GPC5: variants seen among roughly 807,000 people sequenced by gnomAD.
The protein encoded by GPC5 is glypican 5, also known as glypican-5.
In GPC5, 47 loss-of-function variants were observed where a neutral mutation model predicts 53.9. The ratio of observed to expected loss-of-function variants is 0.87; its 90% CI spans 0.69 to 1.11. The LOEUF is 1.11. Among genes scored for constraint, GPC5 ranks in the 50% most tolerant of loss-of-function variants. The pLI is 0.00. For synonymous variants in GPC5, 286 were observed against 263.3 expected, an observed-to-expected ratio of 1.09 and a Z score of -0.84; for missense variants, 748 against 713.1, an observed-to-expected ratio of 1.05 and a Z score of -0.56.
At chr13:92,413,988 A>G (rs913927603) in intron 7 of GPC5, among the ~76,000 whole-genome samples, 24 of 152,210 alleles carry the variant, frequency 1.6e-4, no homozygotes, top group African/African-American at 5.5e-4. Context: ...TTTCTATTTC[A>G]TTCTATAACT....
intron 6 of GPC5, among the ~76,000 whole-genome samples, chr13:92,070,413 C>G (rs1028533669): frequency 3.3e-5 from 5 of 152,174 alleles, no homozygotes; most frequent in African/African-American, 1.2e-4. Flanking sequence ...AAAACTCTCC[C>G]CATTGTTATT....
intron 7 of GPC5, among the ~76,000 whole-genome samples, chr13:92,736,913 G>A (rs2139305488): frequency 6.6e-6 from 1 of 151,832 alleles, no homozygotes; most frequent in East Asian, 2.0e-4. Context: ...TTCACAAAAT[G>A]CAGTCTATGT....
At chr13:92,379,830 T>TG (rs1566564350) in intron 7 of GPC5, among the ~76,000 whole-genome samples, 1 of 152,216 alleles carries the variant, frequency 6.6e-6, no homozygotes, top group Non-Finnish European at 1.5e-5. Flanking sequence ...GGATCCTCTC[T>TG]GGCTTGATAT....
At chr13:91,559,133 AAC>A (rs1226045765) in intron 2 of GPC5, among the ~76,000 whole-genome samples, 1 of 152,070 alleles carries the variant, frequency 6.6e-6, no homozygotes, top group East Asian at 1.9e-4. Flanking sequence ...CTAGGATTTG[AAC>A]ACAGTGTTGA....
chr13:92,666,384 C>A (rs1465093512), intron 7 of GPC5, among the ~76,000 whole-genome samples: 1 of 152,016 alleles, frequency 6.6e-6, no homozygotes, highest in Non-Finnish European at 1.5e-5. Context: ...AAAATGGAAA[C>A]AGGAAATCAG....
intron 7 of GPC5, among the ~76,000 whole-genome samples, chr13:92,313,892 A>T (rs1265105480): frequency 3.3e-5 from 5 of 152,180 alleles, no homozygotes; most frequent in Non-Finnish European, 7.3e-5. Flanking sequence ...AGAGTGAAGA[A>T]AATTGGAGAT....
chr13:92,124,893 C>T (rs2041682112), intron 6 of GPC5, among the ~76,000 whole-genome samples: 1 of 152,156 alleles, frequency 6.6e-6, no homozygotes, highest in Admixed American at 6.5e-5. Flanking sequence ...GATTCCACCT[C>T]CCGGTATCTT....
intron 7 of GPC5, among the ~76,000 whole-genome samples, chr13:92,267,491 T>A (rs1250707540): frequency 6.6e-6 from 1 of 152,170 alleles, no homozygotes; most frequent in Admixed American, 6.5e-5. Context: ...TTTTTCATTC[T>A]GTTTCATTGG....
At chr13:91,730,522 G>A (rs542661035) in intron 4 of GPC5, among the ~76,000 whole-genome samples, 10 of 152,104 alleles carry the variant, frequency 6.6e-5, no homozygotes, top group African/African-American at 9.7e-5. Flanking sequence ...CAGGTTGCAC[G>A]GTCACTTGCT....
intron 6 of GPC5, among the ~76,000 whole-genome samples, chr13:92,097,201 T>C (rs778310501): frequency 2.0e-5 from 3 of 152,168 alleles, no homozygotes; most frequent in Non-Finnish European, 4.4e-5. Context: ...TCCACTGTTA[T>C]GCGGAAAGGA....
intron 7 of GPC5, among the ~76,000 whole-genome samples, chr13:92,277,144 A>G (rs184246876): frequency 3.3e-5 from 5 of 152,150 alleles, no homozygotes; most frequent in Non-Finnish European, 7.4e-5. Context: ...ATTAAGTAAT[A>G]TAACATTGAA....
At chr13:92,145,531 C>T (rs1473452217) in intron 7 of GPC5, among the ~76,000 whole-genome samples, 1 of 150,250 alleles carries the variant, frequency 6.7e-6, no homozygotes, top group South Asian at 2.1e-4. Flanking sequence ...GGATTTGAAA[C>T]CATTTCAGAA....
intron 7 of GPC5, among the ~76,000 whole-genome samples, chr13:92,353,155 G>A (rs1278648066): frequency 6.6e-6 from 1 of 151,068 alleles, no homozygotes; most frequent in East Asian, 2.0e-4. Context: ...AGCTACTGGG[G>A]AGGCTGAGGC....
At chr13:92,350,988 C>CA (rs1022812476) in intron 7 of GPC5, among the ~76,000 whole-genome samples, 1 of 151,820 alleles carries the variant, frequency 6.6e-6, no homozygotes, top group African/African-American at 2.4e-5. Context: ...AAATTGTATA[C>CA]AAAAAAGACT....
chr13:92,666,831 T>C (rs1566353004), intron 7 of GPC5, among the ~76,000 whole-genome samples: 1 of 152,216 alleles, frequency 6.6e-6, no homozygotes, highest in Non-Finnish European at 1.5e-5. Flanking sequence ...AGGAGATTAG[T>C]GTAATTCAAT....
intron 7 of GPC5, among the ~76,000 whole-genome samples, chr13:92,337,849 T>C (rs1050436135): frequency 1.3e-5 from 2 of 152,142 alleles, no homozygotes; most frequent in African/African-American, 4.8e-5. Flanking sequence ...CGCAAAATTA[T>C]AAACTCTTAG....
intron 5 of GPC5, among the ~76,000 whole-genome samples, chr13:91,811,372 A>G (rs998828801): frequency 6.6e-5 from 10 of 152,112 alleles, no homozygotes; most frequent in African/African-American, 9.6e-5. Flanking sequence ...AAAATTTCAT[A>G]TAAAATATTC....
At chr13:91,715,772 C>G (rs1466145143) in intron 3 of GPC5, among the ~76,000 whole-genome samples, 1 of 126,760 alleles carries the variant, frequency 7.9e-6, no homozygotes, top group African/African-American at 3.1e-5. Context: ...AAGATAGGGT[C>G]TCTCTCTCTC....
intron 7 of GPC5, among the ~76,000 whole-genome samples, chr13:92,598,395 T>C (rs541466983): frequency 6.6e-6 from 1 of 152,234 alleles, no homozygotes; most frequent in South Asian, 2.1e-4. Context: ...CAAATTTTTT[T>C]TTTTACGTTG....
Sources: gnomAD v4.1 joint callset for allele counts (sites outside exome capture counted in the v4.1 genomes callset) on GRCh38, gnomAD v4.1.1 for gene constraint, MANE v1.5 for transcripts, NCBI Gene and HGNC (gene_info 2026-07-23, HGNC 2026-07-21) for gene names.